SCHIP1: variants seen among roughly 807,000 people sequenced by gnomAD.
The protein encoded by SCHIP1 is schwannomin interacting protein 1.
A neutral mutation model predicts 29.7 loss-of-function variants in SCHIP1; 8 were observed. The observed-to-expected ratio is 0.27, with a 90% CI of 0.16 to 0.49. The LOEUF (loss-of-function observed/expected upper bound fraction) is 0.49. SCHIP1 is among the 20% of genes least tolerant of loss of function. The pLI, the probability that SCHIP1 is intolerant of heterozygous loss-of-function variation, is 0.99. For synonymous variants in SCHIP1, 76 were observed against 94.9 expected (o/e 0.80, Z 1.16); for missense variants, 193 against 294.6 (o/e 0.66, Z 2.52).
chr3:159,293,599 A>G, the SCHIP1 span, among the ~76,000 whole-genome samples: 2 of 152,234 alleles, frequency 1.3e-5, no homozygotes, highest in African/African-American at 4.8e-5. Flanking sequence ...GCAATCTGTC[A>G]GGAAGAATTA....
At chr3:159,841,320 T>G (rs1246386620) in intron 1 of SCHIP1, among the ~76,000 whole-genome samples, 1 of 152,336 alleles carries the variant, frequency 6.6e-6, no homozygotes, top group South Asian at 2.1e-4. Context: ...ACAGATTTAT[T>G]TCATAGTATT....
At chr3:159,430,263 G>A in the SCHIP1 span, among the ~76,000 whole-genome samples, 1 of 152,006 alleles carries the variant, frequency 6.6e-6, no homozygotes, top group South Asian at 2.1e-4. Flanking sequence ...AATTAAATTT[G>A]GTTTATTATT....
At chr3:159,338,597 T>C in the SCHIP1 span, among the ~76,000 whole-genome samples, 12 of 152,276 alleles carry the variant, frequency 7.9e-5, no homozygotes, top group African/African-American at 2.9e-4. Context: ...CTATCTTCTA[T>C]GCAGTGCATA....
chr3:159,848,412 A>T (rs751896578), intron 1 of SCHIP1, among the ~76,000 whole-genome samples: 8 of 152,190 alleles, frequency 5.3e-5, no homozygotes, highest in Non-Finnish European at 1.2e-4. Context: ...CTGGCAAACC[A>T]TCAGGCATTA....
At chr3:159,653,426 T>A in the SCHIP1 span, among the ~76,000 whole-genome samples, 1 of 152,292 alleles carries the variant, frequency 6.6e-6, no homozygotes, top group Admixed American at 6.5e-5. Flanking sequence ...AATGAGTTCA[T>A]GTCCTTTGCA....
the SCHIP1 span, among the ~76,000 whole-genome samples, chr3:159,635,584 C>T: frequency 9.2e-5 from 14 of 152,008 alleles, no homozygotes; most frequent in Non-Finnish European, 1.9e-4. Context: ...TGTGTGACAC[C>T]ATGTTTCCTC....
the SCHIP1 span, among the ~76,000 whole-genome samples, chr3:159,502,505 C>T: frequency 1.3e-5 from 2 of 151,950 alleles, no homozygotes; most frequent in Non-Finnish European, 2.9e-5. Context: ...TATTATTATA[C>T]TTCTTTAAGT....
chr3:159,416,178 A>G, the SCHIP1 span, among the ~76,000 whole-genome samples: 1 of 152,188 alleles, frequency 6.6e-6, no homozygotes, highest in Non-Finnish European at 1.5e-5. Flanking sequence ...TCTTTGCATC[A>G]GTGTGCCCTC....
At chr3:159,891,300 G>A (rs1717510866) in intron 5 of SCHIP1, among the ~76,000 whole-genome samples, 1 of 152,072 alleles carries the variant, frequency 6.6e-6, no homozygotes, top group African/African-American at 2.4e-5. Context: ...GAACCCGGGA[G>A]GTGGAGGTTG....
the SCHIP1 span, chr3:159,306,480 T>C: frequency 1.9e-5 from 4 of 213,250 alleles, no homozygotes; most frequent in Non-Finnish European, 2.4e-5. Flanking sequence ...TGCAATACAT[T>C]TTTATCCATT....
the SCHIP1 span, among the ~76,000 whole-genome samples, chr3:159,719,840 C>G: frequency 3.3e-5 from 5 of 152,332 alleles, no homozygotes; most frequent in Non-Finnish European, 7.4e-5. Context: ...CCTCAAGGAT[C>G]TAGAACTAGA....
chr3:159,866,409 T>G, intron 2 of SCHIP1, 128 bp downstream of exon 3: 1 of 842,462 alleles, frequency 1.2e-6, no homozygotes, highest in Non-Finnish European at 1.8e-6. Context: ...ACTGCCATCT[T>G]TATTTGGGTT....
At chr3:159,599,742 C>T in the SCHIP1 span, among the ~76,000 whole-genome samples, 129 of 152,148 alleles carry the variant, frequency 8.5e-4, 1 homozygote, top group South Asian at 0.014. Context: ...ATTGTCATTG[C>T]GGTCTGGTGG....
chr3:159,382,706 A>C, the SCHIP1 span, among the ~76,000 whole-genome samples: 1 of 151,792 alleles, frequency 6.6e-6, no homozygotes, highest in Non-Finnish European at 1.5e-5. Context: ...TGGTTGAACT[A>C]GTTTACAGTC....
At chr3:159,853,348 A>G (rs1209255933) in intron 1 of SCHIP1, 3 of 684,408 alleles carry the variant, frequency 4.4e-6, no homozygotes, top group Non-Finnish European at 5.3e-6. Context: ...ATGGGAGGTT[A>G]TTTCTTAAGT....
the SCHIP1 span, among the ~76,000 whole-genome samples, chr3:159,737,567 A>T: frequency 9.2e-5 from 14 of 152,180 alleles, no homozygotes; most frequent in Non-Finnish European, 1.5e-5. Context: ...TGCTACTATT[A>T]TTGAATTCTA....
chr3:159,472,723 A>G, the SCHIP1 span, among the ~76,000 whole-genome samples: 1 of 152,314 alleles, frequency 6.6e-6, no homozygotes, highest in East Asian at 1.9e-4. Context: ...TGCCAAAGGA[A>G]ATTGGCCCAT....
the SCHIP1 span, among the ~76,000 whole-genome samples, chr3:159,558,956 G>T: frequency 6.6e-6 from 1 of 152,064 alleles, no homozygotes; most frequent in East Asian, 1.9e-4. Flanking sequence ...TTCAAGATGA[G>T]CCTGGGCAAC....
chr3:159,828,386 T>C, the SCHIP1 span, among the ~76,000 whole-genome samples: 570 of 66,312 alleles, frequency 8.6e-3, 12 homozygotes, highest in Middle Eastern at 0.02. Context: ...CATATATATA[T>C]ACATATATAC....
Sources: allele counts gnomAD v4.1 joint callset (sites outside exome capture counted in the v4.1 genomes callset), GRCh38; gene constraint gnomAD v4.1.1; transcripts MANE v1.5; gene names NCBI Gene and HGNC (gene_info 2026-07-23, HGNC 2026-07-21).